NEGR1: variants seen among roughly 807,000 people sequenced by gnomAD.
The protein encoded by NEGR1 is IgLON family member 4.
Under a neutral mutation model 40.9 loss-of-function variants are expected in NEGR1, and 10 were observed. The observed-to-expected ratio is 0.24, with a 90% CI of 0.15 to 0.42. The LOEUF is 0.42. Ranked by LOEUF, NEGR1 falls within the 10% of genes least tolerant of loss-of-function variation. The pLI is 1.00. For synonymous variants in NEGR1, 185 were observed against 166.8 expected, an observed-to-expected ratio of 1.11 and a Z score of -0.84; for missense variants, 352 against 438.9, an observed-to-expected ratio of 0.80 and a Z score of 1.77.
At chr1:71,436,484 A>G (rs988517409) in intron 6 of NEGR1, among the ~76,000 whole-genome samples, 2 of 152,208 alleles carry the variant, frequency 1.3e-5, no homozygotes, top group African/African-American at 4.8e-5. Context: ...GTTTGTTTTT[A>G]TAATATTAAC....
intron 1 of NEGR1, among the ~76,000 whole-genome samples, chr1:72,020,763 A>G (rs1329370935): frequency 1.3e-5 from 2 of 152,232 alleles, no homozygotes; most frequent in Non-Finnish European, 2.9e-5. Context: ...CAGAAAAGAT[A>G]TAAAATGCTT....
intron 1 of NEGR1, among the ~76,000 whole-genome samples, chr1:72,149,898 AAAAGAAAG>A (rs1458212821): frequency 6.7e-6 from 1 of 148,910 alleles, no homozygotes; most frequent in South Asian, 2.1e-4. Context: ...AAAAAAAAAA[AAAAGAAAG>A]AAAGAAAGAA....
At chr1:71,916,565 C>A (rs992870339) in intron 2 of NEGR1, among the ~76,000 whole-genome samples, 12 of 152,054 alleles carry the variant, frequency 7.9e-5, no homozygotes, top group African/African-American at 2.9e-4. Context: ...CCAGCCTGGC[C>A]AACATGGTAA....
Position 71,806,817 on chromosome 1 carries a change from A to G in NEGR1, c.410-30520T>C, listed in dbSNP as rs1657787422. Among the ~76,000 whole-genome samples the G allele has an allele frequency of 2.6e-5, 4 of 152,038 alleles. 1 individual carries two copies. In the South Asian group the frequency reaches 8.3e-4, roughly 32 times the overall value. Reference sequence around the variant, plus strand: ...GAAATGAAATTGTCTTTTGGAACTAATAAGTTTTAATCCCCATCCTACATC... The same window carrying G: ...GAAATGAAATTGTCTTTTGGAACTAGTAAGTTTTAATCCCCATCCTACATC... On this transcript the variant is annotated intron_variant, in intron 2 of 6. Coordinates refer to ENST00000357731, the MANE Select transcript of NEGR1 (RefSeq NM_173808.3).
At chr1:71,981,943 T>C (rs1025600463) in intron 1 of NEGR1, among the ~76,000 whole-genome samples, 9 of 152,190 alleles carry the variant, frequency 5.9e-5, no homozygotes, top group Non-Finnish European at 1.0e-4. Flanking sequence ...ATAAATCATA[T>C]TGTTTAGCAC....
intron 1 of NEGR1, among the ~76,000 whole-genome samples, chr1:71,991,021 C>A (rs17092062): frequency 1.3e-5 from 2 of 151,602 alleles, no homozygotes; most frequent in Non-Finnish European, 2.9e-5. Flanking sequence ...CCTTACATTC[C>A]CTATCTTTGA....
intron 2 of NEGR1, among the ~76,000 whole-genome samples, chr1:71,915,861 C>T (rs1661562093): frequency 6.6e-6 from 1 of 152,100 alleles, no homozygotes; most frequent in East Asian, 1.9e-4. Flanking sequence ...ATGTGGTTTA[C>T]CTTTGAGCGA....
intron 2 of NEGR1, among the ~76,000 whole-genome samples, chr1:71,884,332 T>G (rs1660665205): frequency 6.6e-6 from 1 of 152,172 alleles, no homozygotes; most frequent in Admixed American, 6.5e-5. Context: ...TATCATTCAT[T>G]GTGACTAGAC....
chr1:71,600,210 T>A (rs1369769453), intron 5 of NEGR1, among the ~76,000 whole-genome samples: 1 of 152,174 alleles, frequency 6.6e-6, no homozygotes, highest in Non-Finnish European at 1.5e-5. Context: ...ATGGCTCTAC[T>A]TTATATTTAG....
chr1:72,193,979 G>T (rs1380549277), intron 1 of NEGR1, among the ~76,000 whole-genome samples: 1 of 151,498 alleles, frequency 6.6e-6, no homozygotes, highest in East Asian at 1.9e-4. Context: ...TTGATCTAAG[G>T]TATCAGATCA....
At chr1:71,426,397 TA>T (rs1646428623) in intron 6 of NEGR1, among the ~76,000 whole-genome samples, 2 of 152,248 alleles carry the variant, frequency 1.3e-5, no homozygotes, top group East Asian at 3.9e-4. Context: ...GTAGATGAGG[TA>T]AAAAGGCAGT....
chr1:71,863,449 G>T lies in NEGR1; in HGVS notation c.409+71630C>A, dbSNP rs1365845407. On this transcript the variant is annotated intron_variant, in intron 2 of 6. Transcript: ENST00000357731. ...CAACACACACTGGGACCTATTGGGG[G>T]AGTTGTGGGAAGGAAGAACATCAGG... 2.0e-5 allele frequency among the ~76,000 whole-genome samples: 3 copies of T among 152,092 alleles called. No homozygotes were observed. The East Asian group carries it at 5.8e-4, about 29-fold the overall frequency.
chr1:72,101,192 G>A (rs1340743801), intron 1 of NEGR1, among the ~76,000 whole-genome samples: 1 of 152,096 alleles, frequency 6.6e-6, no homozygotes, highest in Non-Finnish European at 1.5e-5. Flanking sequence ...ACATCTTTAT[G>A]AGCAAGAATT....
intron 6 of NEGR1, among the ~76,000 whole-genome samples, chr1:71,480,773 C>T (rs116224695): frequency 0.011 from 1,723 of 151,944 alleles, 32 homozygotes; most frequent in African/African-American, 0.04. Context: ...ATCTTGGCCA[C>T]ACTAAGAATT....
intron 6 of NEGR1, among the ~76,000 whole-genome samples, chr1:71,455,786 C>A (rs527368045): frequency 1.3e-5 from 2 of 152,268 alleles, no homozygotes; most frequent in East Asian, 3.9e-4. Flanking sequence ...ATTTTTATGT[C>A]TCCAAGTTAA....
chr1:72,266,269 C>G (rs1464824057), intron 1 of NEGR1, among the ~76,000 whole-genome samples: 1 of 150,810 alleles, frequency 6.6e-6, no homozygotes, highest in Non-Finnish European at 1.5e-5. Flanking sequence ...ACTATGTTAA[C>G]TAATAACAAA....
At chr1:71,532,706 G>A (rs940859167) in intron 6 of NEGR1, among the ~76,000 whole-genome samples, 4 of 151,552 alleles carry the variant, frequency 2.6e-5, no homozygotes, top group Non-Finnish European at 4.4e-5. Flanking sequence ...AATCCAACAG[G>A]AGGACATATC....
intron 6 of NEGR1, among the ~76,000 whole-genome samples, chr1:71,511,098 C>T (rs1279307725): frequency 6.6e-6 from 1 of 152,124 alleles, no homozygotes; most frequent in African/African-American, 2.4e-5. Flanking sequence ...TTAGAGGGTG[C>T]CTTGGAGAAG....
rs563015509 is a variant in NEGR1 at position 71,854,305 on chromosome 1, C to T, written c.410-78008G>A. Among the ~76,000 whole-genome samples the T allele has an allele frequency of 7.2e-5, 11 of 152,112 alleles. No homozygotes were observed. The South Asian group carries it at 1.2e-3, about 17-fold the overall frequency. Reference sequence around the variant, plus strand: ...CCCCTAACTATGTGCTCTTATACTTCGGGCCCAAATTATATTAATTTCTAT... The same window carrying T: ...CCCCTAACTATGTGCTCTTATACTTTGGGCCCAAATTATATTAATTTCTAT... On this transcript the variant is annotated intron_variant, in intron 2 of 6. Transcript: ENST00000357731.
Sources: gnomAD v4.1 joint callset for allele counts (sites outside exome capture counted in the v4.1 genomes callset) on GRCh38, gnomAD v4.1.1 for gene constraint, MANE v1.5 for transcripts, NCBI Gene and HGNC (gene_info 2026-07-23, HGNC 2026-07-21) for gene names.